The following OSBPL1A variants were observed in gnomAD, a reference collection of about 807,000 sequenced individuals.
OSBPL1A encodes the protein oxysterol binding protein like 1A.
In OSBPL1A, 80 loss-of-function variants were observed where a neutral mutation model predicts 137.1. The observed-to-expected ratio is 0.58, with a 90% CI of 0.49 to 0.70. OSBPL1A has a LOEUF of 0.70. Ranked by LOEUF, OSBPL1A falls within the 30% of genes least tolerant of loss-of-function variation. The probability of loss-of-function intolerance (pLI) is 0.00; values close to 1 mark genes in which losing one functional copy is unlikely to be tolerated. For missense variants in OSBPL1A, 970 were observed against 1,129.4 expected, an observed-to-expected ratio of 0.86 and a Z score of 2.02; for synonymous variants, 365 against 389.7, an observed-to-expected ratio of 0.94 and a Z score of 0.75.
intron 17 of OSBPL1A, among the ~76,000 whole-genome samples, chr18:24,203,623 C>T (rs559647012): frequency 6.6e-6 from 1 of 152,140 alleles, no homozygotes; most frequent in Admixed American, 6.5e-5. Context: ...GTTCTTTTTG[C>T]TTGCCACCCC....
chr18:24,382,784 A>G (rs1906691270), intron 1 of OSBPL1A, among the ~76,000 whole-genome samples: 1 of 151,652 alleles, frequency 6.6e-6, no homozygotes, highest in Non-Finnish European at 1.5e-5. Context: ...GCTGAGGTGG[A>G]AGGATCACCT....
intron 17 of OSBPL1A, among the ~76,000 whole-genome samples, chr18:24,223,700 T>C (rs2087967595): frequency 6.6e-6 from 1 of 152,246 alleles, no homozygotes; most frequent in East Asian, 1.9e-4. Context: ...ATAGCACACA[T>C]ACGAAAGAAC....
chr18:24,315,072 G>A (rs2090694057), intron 11 of OSBPL1A, among the ~76,000 whole-genome samples: 1 of 152,152 alleles, frequency 6.6e-6, no homozygotes, highest in Non-Finnish European at 1.5e-5. Context: ...ACCACATGGA[G>A]GAACCTGGAC....
chr18:24,211,049 T>C (rs955182661), intron 17 of OSBPL1A, among the ~76,000 whole-genome samples: 1 of 152,194 alleles, frequency 6.6e-6, no homozygotes, highest in African/African-American at 2.4e-5. Flanking sequence ...CCCTGCAACC[T>C]CTGCCTCCCG....
At chr18:24,295,006 G>A (rs1327875754) in intron 14 of OSBPL1A, among the ~76,000 whole-genome samples, 2 of 152,158 alleles carry the variant, frequency 1.3e-5, no homozygotes, top group African/African-American at 2.4e-5. Context: ...CTCCATAGAG[G>A]TTGTACTAAT....
intron 11 of OSBPL1A, 103 bp downstream of exon 11, chr18:24,317,046 A>G: frequency 8.3e-7 from 1 of 1,209,396 alleles, no homozygotes; most frequent in Non-Finnish European, 1.2e-6. Context: ...ACAGCATTCC[A>G]CAGAACCCCA....
intron 3 of OSBPL1A, 146 bp downstream of exon 3, chr18:24,368,141 T>C: frequency 2.0e-6 from 1 of 497,022 alleles, no homozygotes; most frequent in Non-Finnish European, 3.6e-6. Flanking sequence ...ATTTATTTAA[T>C]AAAGAACAAT....
rs148427661 is a variant in OSBPL1A at position 24,241,796 on chromosome 18, A to G, written c.1282-2414T>C. ...ACTGGGTATATACCCAAAGGAGTAT[A>G]AATCATTCTCCTATAAAGACACATG... is the stretch of plus-strand genomic sequence containing the variant. On this transcript the variant is annotated intron_variant, in intron 15 of 27. Coordinates refer to ENST00000319481, the MANE Select transcript of OSBPL1A (RefSeq NM_080597.4). Among the ~76,000 whole-genome samples, 1,336 of 152,358 alleles carry G rather than the reference A, an allele frequency of 8.8e-3. 24 individuals are homozygous for G. The highest frequency in any genetic ancestry group is 0.029 in the African/African-American group (1,208 of 41,576).
intron 17 of OSBPL1A, among the ~76,000 whole-genome samples, chr18:24,212,073 CTT>C (rs552495662): frequency 1.3e-4 from 19 of 146,616 alleles, no homozygotes; most frequent in Non-Finnish European, 2.6e-4. Flanking sequence ...GCTTCAGAAA[CTT>C]TTTTTTTTTT....
rs141406972 is a variant in OSBPL1A, at chr18:24,314,022, C to T, written c.969+227G>A. Among the ~76,000 whole-genome samples the T allele has an allele frequency of 3.5e-3, 536 of 152,202 alleles. 1 individual carries two copies. Among genetic ancestry groups the T allele is most frequent in the African/African-American group, 0.012 (503 of 41,550 alleles). ...CAGGAGGCCGAGGCATGAGAATCGC[C>T]TGAGCCTGGGAGGCAGAGGTTGCAG... On this transcript the variant is annotated intron_variant, in intron 12 of 27. Coordinates refer to ENST00000319481, the MANE Select transcript of OSBPL1A (RefSeq NM_080597.4).
At chr18:24,258,297 C>A (rs986616541) in intron 15 of OSBPL1A, among the ~76,000 whole-genome samples, 1 of 152,114 alleles carries the variant, frequency 6.6e-6, no homozygotes, top group Non-Finnish European at 1.5e-5. Flanking sequence ...AAAAAAAGAA[C>A]AAGATCCTAT....
chr18:24,230,719 A>C (rs1431060548), intron 16 of OSBPL1A, among the ~76,000 whole-genome samples: 1 of 152,214 alleles, frequency 6.6e-6, no homozygotes, highest in African/African-American at 2.4e-5. Flanking sequence ...CGTTTCTATA[A>C]CAGGCAAAAC....
At chr18:24,326,089 A>G (rs1424314775) in intron 7 of OSBPL1A, among the ~76,000 whole-genome samples, 2 of 152,144 alleles carry the variant, frequency 1.3e-5, no homozygotes, top group African/African-American at 4.8e-5. Flanking sequence ...AAAAAAGACT[A>G]GGACATTTTC....
chr18:24,345,424 C>T lies in OSBPL1A; in HGVS notation c.283-3766G>A, dbSNP rs199898511. On this transcript the variant is annotated intron_variant, in intron 4 of 27. Transcript: ENST00000319481. ...TTGAAAGGCCAGGCACTGTGGCTCA[C>T]GCCTGTAATCCCAGCACTTTGAGAG... 2.8e-4 allele frequency among the ~76,000 whole-genome samples: 42 copies of T among 152,282 alleles called. No homozygotes were observed. In the East Asian group the frequency reaches 6.8e-3, roughly 25 times the overall value.
intron 14 of OSBPL1A, 113 bp downstream of exon 14, chr18:24,303,524 A>C: frequency 1.3e-6 from 1 of 763,998 alleles, no homozygotes; most frequent in Non-Finnish European, 2.1e-6. Context: ...TTTATCAAAT[A>C]TAACTCTTAA....
rs201294445 is a variant in OSBPL1A, at chr18:24,377,448, G to A, written c.86C>T (p.Ala29Val). Residue 29 changes from alanine to valine, a missense_variant, in exon 2 of 28, where the codon GCG becomes GTG. Ala to Val is a moderately conservative substitution (Grantham distance 64). This residue lies in a region of OSBPL1A where 647 missense variants were observed against 672.6 expected (regional missense o/e 0.96). Coordinates refer to ENST00000319481, the MANE Select transcript of OSBPL1A (RefSeq NM_080597.4). ...EEVRQLLETM[A>V]RNEVIADINC... The stretch of plus-strand genomic sequence containing the variant: ...AATGTCAGCAATCACTTCATTCCTC[G>A]CCATGGTCTCTAATAGTTGTCTTAC... 1.1e-4 allele frequency: 185 copies of A among 1,609,976 alleles called. No homozygotes were observed. Among genetic ancestry groups the A allele is most frequent in the Admixed American group, 1.9e-4 (11 of 58,832 alleles).
chr18:24,207,699 A>G (rs1205884212), intron 17 of OSBPL1A, among the ~76,000 whole-genome samples: 1 of 152,150 alleles, frequency 6.6e-6, no homozygotes, highest in Admixed American at 6.6e-5. Context: ...TTGTGTGTGT[A>G]TAACTATTTA....
chr18:24,173,949 C>T (rs966079418), intron 21 of OSBPL1A, among the ~76,000 whole-genome samples: 2 of 152,202 alleles, frequency 1.3e-5, no homozygotes, highest in Non-Finnish European at 2.9e-5. Flanking sequence ...CTGATCTGTT[C>T]TCCATTGCAA....
Position 24,271,825 on chromosome 18 carries a change from G to C in OSBPL1A, c.1281+9017C>G. Reference sequence around the variant, plus strand: ...TGCCCCTGGCTCCGGCCGGGCAGCAGCGCCAGCCTTCCCCAGCGAGGTCGG... The same window carrying C: ...TGCCCCTGGCTCCGGCCGGGCAGCACCGCCAGCCTTCCCCAGCGAGGTCGG... On this transcript the variant is annotated intron_variant, in intron 15 of 27. Coordinates refer to ENST00000319481, the MANE Select transcript of OSBPL1A (RefSeq NM_080597.4). The surrounding 1 kb of genome is among the most constrained non-coding windows in gnomAD (Gnocchi z 4.0). 1 of 985,430 alleles carries C rather than the reference G, an allele frequency of 1.0e-6. No homozygotes were observed. Among genetic ancestry groups the C allele is most frequent in the Non-Finnish European group, 1.2e-6 (1 of 830,024 alleles). 61.0% of individuals were successfully genotyped at this position (985,430 alleles called of 1,614,324 possible). A position where few individuals can be genotyped will look rare whatever the true frequency, so the allele number is the denominator to read the frequency against.
Sources: gnomAD v4.1 joint callset for allele counts (sites outside exome capture counted in the v4.1 genomes callset) on GRCh38, gnomAD v4.1.1 for gene constraint, gnomAD v4.1.1 regional missense constraint, Gnocchi (gnomAD v3.1) non-coding constraint, MANE v1.5 for transcripts, NCBI Gene and HGNC (gene_info 2026-07-23, HGNC 2026-07-21) for gene names.